Variants in CCM2 observed in about 807,000 individuals in gnomAD.
CCM2 encodes the protein cerebral cavernous malformations 2 protein.
CCM2 carries 25 observed loss-of-function variants against 44.9 expected under a neutral mutation model. The ratio of observed to expected loss-of-function variants is 0.56; its 90% CI spans 0.41 to 0.78. The LOEUF (loss-of-function observed/expected upper bound fraction) is 0.78, where lower values mean the gene tolerates loss of function less well. CCM2 is among the 30% of genes least tolerant of loss of function. CCM2 has a pLI of 0.00. For missense variants in CCM2, 481 were observed against 580.6 expected (o/e 0.83, Z 1.76); for synonymous variants, 219 against 241.1 (o/e 0.91, Z 0.85).
intron 6 of CCM2, 23 bp downstream of exon 6, chr7:45,069,984 G>T (rs1399551740): frequency 4.3e-6 from 7 of 1,612,364 alleles, no homozygotes; most frequent in Non-Finnish European, 4.2e-6. Flanking sequence ...AGAGTGGGCA[G>T]CGGGTGGGAG....
intron 1 of CCM2, among the ~76,000 whole-genome samples, chr7:45,032,831 G>T (rs1216912218): frequency 6.6e-6 from 1 of 151,912 alleles, no homozygotes; most frequent in Non-Finnish European, 1.5e-5. Flanking sequence ...ACCTGAGGCT[G>T]GGAGTTTGAG....
chr7:45,014,148 T>C (rs1469883003), intron 1 of CCM2, among the ~76,000 whole-genome samples: 1 of 152,288 alleles, frequency 6.6e-6, no homozygotes, highest in Non-Finnish European at 1.5e-5. Context: ...TAATTATTAT[T>C]ACTTTTTTTG....
intron 1 of CCM2, among the ~76,000 whole-genome samples, chr7:45,001,439 G>A (rs1382508178): frequency 6.6e-6 from 1 of 152,272 alleles, no homozygotes; most frequent in Non-Finnish European, 1.5e-5. Context: ...GATTAGAGAT[G>A]CGTGCTGCGC....
intron 1 of CCM2, among the ~76,000 whole-genome samples, chr7:45,015,044 A>T (rs34665413): frequency 0.032 from 4,842 of 152,286 alleles, 115 homozygotes; most frequent in South Asian, 0.14. Flanking sequence ...CTAAAACAAG[A>T]TGTTTCAGCT....
intron 1 of CCM2, among the ~76,000 whole-genome samples, chr7:45,028,209 C>T (rs1296216749): frequency 6.6e-6 from 1 of 152,190 alleles, no homozygotes; most frequent in Non-Finnish European, 1.5e-5. Context: ...GAATTTCATC[C>T]ACGAAGCCTG....
intron 2 of CCM2, among the ~76,000 whole-genome samples, chr7:45,056,731 A>G (rs974594276): frequency 6.6e-4 from 101 of 152,320 alleles, no homozygotes; most frequent in African/African-American, 2.2e-3. Flanking sequence ...TTAATCCCTT[A>G]TCAGATATGA....
intron 5 of CCM2, 128 bp from the exon 6 acceptor site, chr7:45,069,696 GAC>G: frequency 1.7e-6 from 2 of 1,208,712 alleles, no homozygotes. Context: ...AAGGCAGAGG[GAC>G]ACATTCTGGT....
chr7:45,075,774 C>T lies in CCM2; in HGVS notation c.1055-3C>T. ...TGCCATGCTGGGTGTTGTGTGTCTG[C>T]AGGTCTGAGGCCCTTCATCCCTGAG... On this transcript the variant is annotated splice_polypyrimidine_tract_variant and splice_region_variant and intron_variant, in intron 9 of 9. Coordinates refer to ENST00000258781, the MANE Select transcript of CCM2 (RefSeq NM_031443.4). 1.2e-6 allele frequency: 2 copies of T among 1,613,624 alleles called. No homozygotes were observed. The highest frequency in any genetic ancestry group is 1.6e-4 in the Middle Eastern group (1 of 6,062).
chr7:45,049,607 A>T (rs1797909322), intron 2 of CCM2, among the ~76,000 whole-genome samples: 1 of 152,264 alleles, frequency 6.6e-6, no homozygotes, highest in African/African-American at 2.4e-5. Flanking sequence ...CCAGTGATTT[A>T]TTAATACATA....
chr7:45,027,360 G>A (rs1796734217), intron 1 of CCM2: 1 of 384,656 alleles, frequency 2.6e-6, no homozygotes, highest in South Asian at 2.2e-5. Flanking sequence ...TTTAGCTTTG[G>A]CATTTGAATG....
At chr7:45,023,787 G>GTT (rs10596429) in intron 1 of CCM2, among the ~76,000 whole-genome samples, 13 of 58,638 alleles carry the variant, frequency 2.2e-4, no homozygotes, top group Non-Finnish European at 2.9e-4. Context: ...CTCTGTATCA[G>GTT]TTTTTTTTTT....
At chr7:45,020,687 C>T (rs6967540) in intron 1 of CCM2, among the ~76,000 whole-genome samples, 5,260 of 152,210 alleles carry the variant, frequency 0.035, 306 homozygotes, top group African/African-American at 0.12. Context: ...TCTTTACCCA[C>T]CTCTCAAGAG....
At chr7:45,070,107 C>T in intron 6 of CCM2, 146 bp downstream of exon 6, 1 of 998,830 alleles carries the variant, frequency 1.0e-6, no homozygotes, top group Non-Finnish European at 1.5e-6. Flanking sequence ...TTGCTGTTCA[C>T]ATTAGCCCAT....
chr7:45,003,728 C>CAA (rs59817510), intron 1 of CCM2, among the ~76,000 whole-genome samples: 2 of 139,806 alleles, frequency 1.4e-5, no homozygotes, highest in African/African-American at 2.6e-5. Flanking sequence ...ACTCCATCTC[C>CAA]AAAAAAAAAA....
intron 2 of CCM2, among the ~76,000 whole-genome samples, chr7:45,051,761 C>G (rs1583936338): frequency 6.6e-6 from 1 of 152,168 alleles, no homozygotes; most frequent in Non-Finnish European, 1.5e-5. Flanking sequence ...CGGGGTTTCA[C>G]TGTGTTAGCC....
intron 7 of CCM2, 61 bp downstream of exon 7, chr7:45,072,844 T>C (rs561388995): frequency 7.2e-7 from 1 of 1,385,386 alleles, no homozygotes; most frequent in South Asian, 1.2e-5. Flanking sequence ...TGTCTGGTGT[T>C]GTCCAGGCTG....
intron 1 of CCM2, among the ~76,000 whole-genome samples, chr7:45,005,698 C>T (rs777131514): frequency 6.6e-5 from 10 of 152,180 alleles, no homozygotes; most frequent in Non-Finnish European, 1.5e-4. Flanking sequence ...ATGTGCTTAG[C>T]CCACTGAGAA....
chr7:44,999,815 CCCGCGCGCGCTG>C (rs1353630574), upstream of CCM2: 2 of 247,582 alleles, frequency 8.1e-6, no homozygotes, highest in Non-Finnish European at 1.5e-5. Flanking sequence ...CGCGCGCGCT[CCCGCGCGCGCTG>C]AGTGGGCGGA....
At chr7:45,024,986 A>G (rs1057101877) in intron 1 of CCM2, among the ~76,000 whole-genome samples, 1 of 152,138 alleles carries the variant, frequency 6.6e-6, no homozygotes, top group Non-Finnish European at 1.5e-5. Flanking sequence ...CTCTTAGGAA[A>G]CTGTTAGACT....
Sources: allele counts gnomAD v4.1 joint callset (sites outside exome capture counted in the v4.1 genomes callset), GRCh38; gene constraint gnomAD v4.1.1; transcripts MANE v1.5; gene names NCBI Gene and HGNC (gene_info 2026-07-23, HGNC 2026-07-21).